BNC2: variants seen among roughly 807,000 people sequenced by gnomAD.
BNC2 encodes the protein basonuclin zinc finger protein 2, also known as zinc finger protein basonuclin-2.
BNC2 carries 20 observed loss-of-function variants against 76.3 expected under a neutral mutation model. The observed-to-expected ratio is 0.26, with a 90% CI of 0.18 to 0.38. The LOEUF is 0.38. Ranked by LOEUF, BNC2 falls within the 10% of genes least tolerant of loss-of-function variation. The pLI is 1.00. For synonymous variants in BNC2, 582 were observed against 514.8 expected (o/e 1.13, Z -1.77); for missense variants, 1,382 against 1,399.8 (o/e 0.99, Z 0.20).
intron 1 of BNC2, among the ~76,000 whole-genome samples, chr9:16,804,748 G>A (rs1422162708): frequency 6.6e-6 from 1 of 152,128 alleles, no homozygotes. Flanking sequence ...CTGCTTGGGG[G>A]AGATCCTGGT....
At chr9:16,715,549 T>A (rs1823975181) in intron 3 of BNC2, among the ~76,000 whole-genome samples, 1 of 152,224 alleles carries the variant, frequency 6.6e-6, no homozygotes, top group African/African-American at 2.4e-5. Flanking sequence ...ACACAGTTTT[T>A]AAAATATTTG....
At chr9:16,687,684 A>G (rs1468360705) in intron 3 of BNC2, among the ~76,000 whole-genome samples, 1 of 152,136 alleles carries the variant, frequency 6.6e-6, no homozygotes, top group Non-Finnish European at 1.5e-5. Context: ...TTAAGTGTAA[A>G]CCTCACCCGA....
chr9:16,499,852 C>A (rs1233094617), intron 5 of BNC2, among the ~76,000 whole-genome samples: 1 of 151,944 alleles, frequency 6.6e-6, no homozygotes, highest in Admixed American at 6.6e-5. Flanking sequence ...TCTTAAATAG[C>A]CTTCTAATTG....
rs113355477 is a variant in BNC2 at position 16,713,368 on chromosome 9, C to T, written c.330+14429G>A. ...ACAGAACTCAAGGGGGCAGAAACAA[C>T]GGGTAAGAAAAATGACTGTACTGAA... On this transcript the variant is annotated intron_variant, in intron 3 of 6. Transcript: ENST00000380672. Among the ~76,000 whole-genome samples, 142 of 150,514 alleles carry T rather than the reference C, an allele frequency of 9.4e-4. 1 individual carries two copies. The highest frequency in any genetic ancestry group is 1.5e-3 in the African/African-American group (60 of 40,858).
intron 3 of BNC2, among the ~76,000 whole-genome samples, chr9:16,726,094 G>C (rs1824309483): frequency 6.6e-6 from 1 of 152,160 alleles, no homozygotes; most frequent in African/African-American, 2.4e-5. Context: ...TTGGTACTAA[G>C]GTTAGCGAAA....
chr9:16,435,954 T>A lies in BNC2; in HGVS notation c.2240A>T (p.Glu747Val). The A allele has an allele frequency of 6.2e-7, 1 of 1,614,156 alleles. No homozygotes were observed. The highest frequency in any genetic ancestry group is 8.5e-7 in the Non-Finnish European group (1 of 1,180,032). Residue 747 changes from glutamate to valine, a missense_variant, in exon 6 of 7, where the codon GAA (glutamate) becomes GTA (valine). By Grantham distance (121) the Glu-to-Val change is moderately radical (BLOSUM62 -2). This residue lies in a region of BNC2 where 798 missense variants were observed against 775.5 expected (regional missense o/e 1.03). Transcript: ENST00000380672. Reference sequence around the variant, plus strand: ...ATTCATCAGGACTTTTTCACTCACTTCGCTGTGAATGTGCTCATCCCCTTC... The same window carrying A: ...ATTCATCAGGACTTTTTCACTCACTACGCTGTGAATGTGCTCATCCCCTTC... ...SMEGDEHIHS[E>V]VSEKVLMNSE...
chr9:16,505,807 A>G (rs1323003102), intron 5 of BNC2, among the ~76,000 whole-genome samples: 1 of 152,154 alleles, frequency 6.6e-6, no homozygotes, highest in Non-Finnish European at 1.5e-5. Flanking sequence ...ATTCGTAATA[A>G]TATTAACACC....
intron 3 of BNC2, among the ~76,000 whole-genome samples, chr9:16,700,875 G>A (rs1278389219): frequency 6.6e-6 from 1 of 152,186 alleles, no homozygotes; most frequent in African/African-American, 2.4e-5. Context: ...GCTGAGACAT[G>A]AGACTTTCTT....
chr9:16,452,926 T>C (rs1004764868), intron 5 of BNC2, among the ~76,000 whole-genome samples: 3 of 152,182 alleles, frequency 2.0e-5, no homozygotes, highest in Admixed American at 6.5e-5. Flanking sequence ...CAGATCAATG[T>C]AATCAGTTGC....
chr9:16,683,971 T>C (rs1265459730), intron 3 of BNC2, among the ~76,000 whole-genome samples: 1 of 152,214 alleles, frequency 6.6e-6, no homozygotes, highest in Non-Finnish European at 1.5e-5. Context: ...TGCAAGGTCC[T>C]TTCTGAACTA....
chr9:16,809,092 T>G (rs1015975509), intron 1 of BNC2, among the ~76,000 whole-genome samples: 4 of 152,148 alleles, frequency 2.6e-5, no homozygotes, highest in Non-Finnish European at 5.9e-5. Context: ...TTGTTTCATA[T>G]CAAATTCTAA....
chr9:16,719,067 G>C (rs368066736), intron 3 of BNC2, among the ~76,000 whole-genome samples: 1 of 152,166 alleles, frequency 6.6e-6, no homozygotes, highest in Non-Finnish European at 1.5e-5. Context: ...TTAAACAGCA[G>C]CTAACTCGCT....
At chr9:16,765,764 C>T (rs1156259524) in intron 1 of BNC2, among the ~76,000 whole-genome samples, 2 of 149,922 alleles carry the variant, frequency 1.3e-5, no homozygotes, top group East Asian at 2.0e-4. Flanking sequence ...CTTCTTAGCA[C>T]AACAGGGCAC....
intron 1 of BNC2, among the ~76,000 whole-genome samples, chr9:16,745,203 G>A (rs1824966501): frequency 6.6e-6 from 1 of 152,180 alleles, no homozygotes; most frequent in South Asian, 2.1e-4. Context: ...AAGTACTAAA[G>A]TATCAGTTGC....
rs986448113 is a variant in BNC2 at position 16,418,726 on chromosome 9, ACT to A, written c.*261_*262del. 2.2e-6 allele frequency: 1 copy of A among 454,956 alleles called. No homozygotes were observed. The highest frequency in any genetic ancestry group is 4.0e-6 in the Non-Finnish European group (1 of 250,914). 28.2% of individuals were successfully genotyped at this position (454,956 alleles called of 1,614,324 possible). ...TGTGTGTGTGTGTGTTTAAAGGGGT[ACT>A]CTGTTTTCACCCTGAAATCAAAGAT... is the stretch of plus-strand genomic sequence containing the variant. On this transcript the variant is annotated 3_prime_UTR_variant, in exon 7 of 7. Coordinates refer to ENST00000380672, the MANE Select transcript of BNC2 (RefSeq NM_017637.6).
chr9:16,809,729 G>C (rs1053920818), intron 1 of BNC2, among the ~76,000 whole-genome samples: 1 of 151,958 alleles, frequency 6.6e-6, no homozygotes, highest in African/African-American at 2.4e-5. Context: ...AGTGAGCTGA[G>C]AGCACACCAC....
At chr9:16,709,179 C>CA (rs1375443845) in intron 3 of BNC2, among the ~76,000 whole-genome samples, 9 of 152,026 alleles carry the variant, frequency 5.9e-5, no homozygotes, top group Non-Finnish European at 1.3e-4. Context: ...AAGGAGTGAG[C>CA]AAGCCACTGA....
chr9:16,666,106 G>C (rs1187148040), intron 3 of BNC2, among the ~76,000 whole-genome samples: 1 of 151,944 alleles, frequency 6.6e-6, no homozygotes, highest in Non-Finnish European at 1.5e-5. Flanking sequence ...GTTATTTCTT[G>C]TATAAAATTT....
intron 3 of BNC2, among the ~76,000 whole-genome samples, chr9:16,585,057 A>C (rs905243805): frequency 6.6e-6 from 1 of 152,152 alleles, no homozygotes; most frequent in South Asian, 2.1e-4. Context: ...ACTCCAGCAC[A>C]AAAGACACAA....
Sources: gnomAD v4.1 joint callset for allele counts (sites outside exome capture counted in the v4.1 genomes callset) on GRCh38, gnomAD v4.1.1 for gene constraint, gnomAD v4.1.1 regional missense constraint, MANE v1.5 for transcripts, NCBI Gene and HGNC (gene_info 2026-07-23, HGNC 2026-07-21) for gene names.